Variants in STX8 observed in about 807,000 individuals in gnomAD.
STX8 encodes the protein syntaxin-8.
In STX8, 23 loss-of-function variants were observed where a neutral mutation model predicts 37.5. The ratio of observed to expected loss-of-function variants is 0.61; its 90% confidence interval spans 0.44 to 0.87. The LOEUF is 0.87. Among genes scored for constraint, STX8 ranks in the 40% least tolerant of loss-of-function variants. STX8 has a pLI of 0.00. For synonymous variants in STX8, 115 were observed against 99.1 expected (o/e 1.16, Z -0.95); for missense variants, 313 against 284.7 (o/e 1.10, Z -0.71).
At chr17:9,401,773 A>T (rs1912628132) in intron 6 of STX8, among the ~76,000 whole-genome samples, 1 of 152,198 alleles carries the variant, frequency 6.6e-6, no homozygotes, top group Non-Finnish European at 1.5e-5. Context: ...ATTGAGTTCC[A>T]TGACATCTGT....
intron 6 of STX8, among the ~76,000 whole-genome samples, chr17:9,480,324 A>G (rs1173767138): frequency 6.6e-6 from 1 of 152,200 alleles, no homozygotes; most frequent in East Asian, 1.9e-4. Flanking sequence ...GAAATATATT[A>G]TTTTGGATTT....
At chr17:9,393,206 A>C (rs548681462) in intron 6 of STX8, among the ~76,000 whole-genome samples, 1 of 152,348 alleles carries the variant, frequency 6.6e-6, no homozygotes, top group South Asian at 2.1e-4. Flanking sequence ...CACCAGTTTT[A>C]AAGTGCTGAA....
intron 6 of STX8, among the ~76,000 whole-genome samples, chr17:9,482,712 G>A (rs957108214): frequency 2.0e-5 from 3 of 152,052 alleles, no homozygotes; most frequent in African/African-American, 7.2e-5. Flanking sequence ...CCCGGAGTTC[G>A]AGACCAGCCT....
Position 9,557,458 on chromosome 17 carries a change from A to G in STX8, c.188T>C (p.Leu63Pro), listed in dbSNP as rs749917736. ...CATCTGATGTGTTGACACAGCTCTT[A>G]GCAATAAGTCCTTCAAAAGGGCGAT... Reference protein sequence around the residue: ...EKIALLKDLLLRAVSTHQITQ... With the variant: ...EKIALLKDLLPRAVSTHQITQ... The change falls in exon 3 of 8, where the codon CTA becomes CCA. Residue 63 changes from leucine (L) to proline (P), a missense_variant. Transcript: ENST00000306357. 1 of 1,614,000 alleles carries G rather than the reference A, an allele frequency of 6.2e-7. No homozygotes were observed. Among genetic ancestry groups the G allele is most frequent in the South Asian group, 1.1e-5 (1 of 91,080 alleles).
chr17:9,418,841 G>A (rs9899902), intron 6 of STX8, among the ~76,000 whole-genome samples: 4 of 139,474 alleles, frequency 2.9e-5, no homozygotes, highest in African/African-American at 5.7e-5. Context: ...AAAAAAAAAG[G>A]GGGGGGGGAA....
At chr17:9,496,322 T>C (rs564506413) in intron 5 of STX8, among the ~76,000 whole-genome samples, 63 of 152,252 alleles carry the variant, frequency 4.1e-4, no homozygotes, top group Non-Finnish European at 7.4e-4. Context: ...GTGATCCAGC[T>C]GCCTCGGCCT....
chr17:9,292,536 A>C (rs1908350172), intron 7 of STX8, among the ~76,000 whole-genome samples: 1 of 152,252 alleles, frequency 6.6e-6, no homozygotes, highest in Admixed American at 6.5e-5. Context: ...CAAAATAAAG[A>C]GGAGGCACTC....
At chr17:9,407,062 G>T (rs926003133) in intron 6 of STX8, among the ~76,000 whole-genome samples, 9 of 152,252 alleles carry the variant, frequency 5.9e-5, no homozygotes, top group African/African-American at 2.2e-4. Flanking sequence ...GTCCAAAGAA[G>T]AATGTTAACT....
intron 7 of STX8, among the ~76,000 whole-genome samples, chr17:9,300,528 T>C (rs1438058692): frequency 1.3e-5 from 2 of 152,158 alleles, no homozygotes; most frequent in Non-Finnish European, 2.9e-5. Flanking sequence ...GATCTACTTC[T>C]TGTTGAGCTT....
intron 6 of STX8, among the ~76,000 whole-genome samples, chr17:9,460,384 T>G (rs936620059): frequency 2.0e-5 from 3 of 152,094 alleles, no homozygotes; most frequent in African/African-American, 7.2e-5. Flanking sequence ...AAAAAATTAC[T>G]AAATTCAGCC....
chr17:9,301,342 T>G (rs1206294079), intron 7 of STX8, among the ~76,000 whole-genome samples: 1 of 152,164 alleles, frequency 6.6e-6, no homozygotes, highest in Non-Finnish European at 1.5e-5. Flanking sequence ...ACTAAGGTGA[T>G]TACAAGGCTT....
In STX8 at chr17:9,506,708, T is replaced by TCC. The variant is rs553580354; in HGVS notation, c.324-1548_324-1547dup. Among the ~76,000 whole-genome samples the TCC allele has an allele frequency of 1.9e-3, 295 of 152,096 alleles. 1 individual carries two copies. Among genetic ancestry groups the TCC allele is most frequent in the Admixed American group, 4.6e-3 (70 of 15,278 alleles). ...ACCTACAGTCCTTATTACAGGAGGA[T>TCC]CCCCCAGTCCTTGCAAGTTCTGAGC... On this transcript the variant is annotated intron_variant, in intron 4 of 7. Coordinates refer to ENST00000306357, the MANE Select transcript of STX8 (RefSeq NM_004853.3).
intron 6 of STX8, among the ~76,000 whole-genome samples, chr17:9,464,186 G>C (rs1471928984): frequency 6.6e-6 from 1 of 152,214 alleles, no homozygotes; most frequent in East Asian, 1.9e-4. Flanking sequence ...TTAAACAGCA[G>C]CAGCTGAAAG....
At chr17:9,419,890 A>G (rs1913359654) in intron 6 of STX8, among the ~76,000 whole-genome samples, 1 of 152,224 alleles carries the variant, frequency 6.6e-6, no homozygotes, top group African/African-American at 2.4e-5. Flanking sequence ...ATCTGTGTAG[A>G]AACCTTTTCT....
At chr17:9,546,126 C>A (rs79833269) in intron 3 of STX8, among the ~76,000 whole-genome samples, 1 of 152,102 alleles carries the variant, frequency 6.6e-6, no homozygotes, top group African/African-American at 2.4e-5. Context: ...CTTTATGCAA[C>A]AGATTTGCTC....
At chr17:9,389,527 T>A (rs541062276) in intron 6 of STX8, among the ~76,000 whole-genome samples, 101 of 152,234 alleles carry the variant, frequency 6.6e-4, no homozygotes, top group Non-Finnish European at 1.1e-3. Flanking sequence ...AATGACAGCA[T>A]CACAAGGATT....
chr17:9,378,557 G>T lies in STX8; in HGVS notation c.638C>A (p.Ser213Tyr). The change falls in exon 7 of 8, where the codon TCT becomes TAT. Residue 213 changes from serine (S) to tyrosine (Y), a missense_variant. By Grantham distance (144) the Ser-to-Tyr change is moderately radical. Transcript: ENST00000306357. ...ATAACGTAGCTATCTCTTACCACAA[G>T]AGGCTGACTTTCTGTCCACCATGTT... ...RVNMVDRKSA[S>Y]CGMIMVILLL... The T allele has an allele frequency of 6.2e-6, 10 of 1,613,308 alleles. No individual in the cohort carries two copies. Among genetic ancestry groups the T allele is most frequent in the Non-Finnish European group, 8.5e-6 (10 of 1,179,348 alleles).
intron 5 of STX8, among the ~76,000 whole-genome samples, chr17:9,496,428 C>A (rs1296785672): frequency 6.6e-6 from 1 of 152,178 alleles, no homozygotes; most frequent in Non-Finnish European, 1.5e-5. Context: ...CTGCCAAAAT[C>A]TGCCCTACTC....
chr17:9,298,080 C>T (rs1180338994), intron 7 of STX8, among the ~76,000 whole-genome samples: 1 of 152,224 alleles, frequency 6.6e-6, no homozygotes, highest in African/African-American at 2.4e-5. Context: ...AATTCCACTG[C>T]TGGTAGATTC....
Sources: gnomAD v4.1 joint callset for allele counts (sites outside exome capture counted in the v4.1 genomes callset) on GRCh38, gnomAD v4.1.1 for gene constraint, MANE v1.5 for transcripts, NCBI Gene and HGNC (gene_info 2026-07-23, HGNC 2026-07-21) for gene names.